MYT1L: variants seen among roughly 807,000 people sequenced by gnomAD.
MYT1L encodes myelin transcription factor 1 like.
A neutral mutation model predicts 126.7 loss-of-function variants in MYT1L; 12 were observed. That is an observed-to-expected ratio of 0.09 (90% confidence interval 0.06 to 0.15). The LOEUF (loss-of-function observed/expected upper bound fraction) is 0.15. MYT1L is among the 10% of genes least tolerant of loss of function. MYT1L has a pLI of 1.00. For missense variants in MYT1L, 979 were observed against 1,585.2 expected (o/e 0.62, Z 6.49); for synonymous variants, 541 against 604.2 (o/e 0.90, Z 1.53).
chr2:1,987,727 G>A (rs74588821), intron 5 of MYT1L, among the ~76,000 whole-genome samples: 4,311 of 152,238 alleles, frequency 0.028, 225 homozygotes, highest in African/African-American at 0.096. Flanking sequence ...AAGAGCAGAC[G>A]TTGAAGTCCC....
chr2:2,220,804 G>A (rs766375612), intron 2 of MYT1L, among the ~76,000 whole-genome samples: 2 of 152,080 alleles, frequency 1.3e-5, no homozygotes, highest in Admixed American at 1.3e-4. Context: ...TTTATGGTTT[G>A]TAGGACATGA....
chr2:1,804,104 C>T (rs2147936559), intron 22 of MYT1L, among the ~76,000 whole-genome samples: 1 of 152,208 alleles, frequency 6.6e-6, no homozygotes, highest in East Asian at 1.9e-4. Context: ...TAGGCTGGAA[C>T]TAGGGTTTTT....
chr2:2,245,096 C>A (rs1455000208), intron 2 of MYT1L, among the ~76,000 whole-genome samples: 1 of 152,176 alleles, frequency 6.6e-6, no homozygotes, highest in Admixed American at 6.5e-5. Flanking sequence ...TTGAGAACAG[C>A]TCCCCAGTGT....
intron 21 of MYT1L, among the ~76,000 whole-genome samples, chr2:1,812,787 A>G (rs1457832527): frequency 6.6e-6 from 1 of 151,074 alleles, no homozygotes; most frequent in Non-Finnish European, 1.5e-5. Context: ...GAGGCAGGAG[A>G]ATCTCTTGAA....
intron 21 of MYT1L, among the ~76,000 whole-genome samples, chr2:1,831,201 C>T (rs113304190): frequency 4.2e-4 from 63 of 150,212 alleles, no homozygotes; most frequent in African/African-American, 7.1e-4. Context: ...AGCTCTGCTC[C>T]GAGGACCCCT....
At chr2:2,297,936 C>T (rs555636374) in intron 1 of MYT1L, among the ~76,000 whole-genome samples, 3 of 152,218 alleles carry the variant, frequency 2.0e-5, no homozygotes, top group African/African-American at 2.4e-5. Context: ...TCTGCGTCCA[C>T]GCCACTTAAA....
intron 9 of MYT1L, among the ~76,000 whole-genome samples, chr2:1,936,790 A>G (rs140622266): frequency 6.6e-6 from 1 of 152,260 alleles, no homozygotes; most frequent in African/African-American, 2.4e-5. Flanking sequence ...TGGGGAGTTC[A>G]GAGGCCACAC....
At chr2:2,173,331 C>T (rs111905070) in intron 2 of MYT1L, among the ~76,000 whole-genome samples, 15 of 152,234 alleles carry the variant, frequency 9.9e-5, no homozygotes, top group African/African-American at 2.9e-4. Flanking sequence ...GCTTCTTTAA[C>T]GCTTTGATGT....
chr2:2,293,905 C>T (rs1316734235), intron 1 of MYT1L, among the ~76,000 whole-genome samples: 2 of 152,172 alleles, frequency 1.3e-5, no homozygotes, highest in Non-Finnish European at 2.9e-5. Context: ...CCGTGCTTGG[C>T]GCGCCTCTGA....
intron 21 of MYT1L, chr2:1,816,972 G>T (rs2037759793): frequency 6.6e-6 from 1 of 152,252 alleles, no homozygotes; most frequent in African/African-American, 2.4e-5. Flanking sequence ...CAGAGGGGCT[G>T]CACACGGCCA....
Position 2,295,659 on chromosome 2 carries a change from CAGACAG to C in MYT1L, c.-520-11162_-520-11157del, listed in dbSNP as rs2095670257. Among the ~76,000 whole-genome samples, 4 of 89,452 alleles carry C rather than the reference CAGACAG, an allele frequency of 4.5e-5. No homozygotes were observed. The Admixed American group carries it at 4.8e-4, about 11-fold the overall frequency. The allele number at this position is 89,452 out of a possible 152,430, so 58.7% of individuals were successfully genotyped here. On this transcript the variant is annotated intron_variant, in intron 1 of 24. Coordinates refer to ENST00000647738, the MANE Select transcript of MYT1L (RefSeq NM_001303052.2). The stretch of plus-strand genomic sequence containing the variant: ...ACAGAGAGAGAGATAGAGAGACAGA[CAGACAG>C]AGAGAGAGAGAGAGACAGACAGAGA...
chr2:2,225,553 T>C (rs1299057232), intron 2 of MYT1L, among the ~76,000 whole-genome samples: 1 of 152,120 alleles, frequency 6.6e-6, no homozygotes, highest in Non-Finnish European at 1.5e-5. Context: ...ACCTTTACTT[T>C]CCTCAGTTCA....
Position 2,228,465 on chromosome 2 carries a change from T to C in MYT1L, c.-420-55477A>G, listed in dbSNP as rs1035351. On this transcript the variant is annotated intron_variant, in intron 2 of 24. Transcript: ENST00000647738. The surrounding 1 kb of genome is among the most constrained non-coding windows in gnomAD (Gnocchi z 5.9). ...TTAATACTGTTATCTAATTAAATAG[T>C]TAAGATTTTTGCTGAAATCAGCAAG... is the stretch of plus-strand genomic sequence containing the variant. Among the ~76,000 whole-genome samples, 62,280 of 152,054 alleles carry C rather than the reference T, an allele frequency of 0.41. 13,435 individuals are homozygous for C. Among genetic ancestry groups the C allele is most frequent in the East Asian group, 0.58 (2,986 of 5,172 alleles).
chr2:2,289,051 G>A (rs2149448869), intron 1 of MYT1L, among the ~76,000 whole-genome samples: 1 of 152,324 alleles, frequency 6.6e-6, no homozygotes, highest in Non-Finnish European at 1.5e-5. Flanking sequence ...TGATGTCAGA[G>A]GTAGGTCAAG....
At position 2,115,739 on chromosome 2, in the gene MYT1L, G is replaced by A. The variant is rs923717799; in HGVS notation, c.-304+57133C>T. ...GGCGCTGCCAAGGCAAGGCCCCCGC[G>A]GGAGTGTCGGGGTGGGGACAGCGGG... On this transcript the variant is annotated intron_variant, in intron 3 of 24. Transcript: ENST00000647738. 7.9e-5 allele frequency among the ~76,000 whole-genome samples: 12 copies of A among 152,356 alleles called. No homozygotes were observed. The East Asian group carries it at 1.5e-3, about 20-fold the overall frequency.
intron 3 of MYT1L, among the ~76,000 whole-genome samples, chr2:2,113,560 C>G (rs2079781282): frequency 6.6e-6 from 1 of 152,194 alleles, no homozygotes. Flanking sequence ...CCTGGTCCAT[C>G]TCACTCTCCT....
chr2:1,977,185 C>T (rs1288213899), intron 8 of MYT1L, among the ~76,000 whole-genome samples: 1 of 152,306 alleles, frequency 6.6e-6, no homozygotes, highest in East Asian at 1.9e-4. Flanking sequence ...CATGACTCCT[C>T]CCTAACATCC....
chr2:2,237,916 AC>A (rs1190428642), intron 2 of MYT1L, among the ~76,000 whole-genome samples: 1 of 152,184 alleles, frequency 6.6e-6, no homozygotes, highest in Non-Finnish European at 1.5e-5. Context: ...ACACCTTGGT[AC>A]TTGCATAAGG....
chr2:2,048,227 C>T (rs2068419489), intron 4 of MYT1L, among the ~76,000 whole-genome samples: 1 of 152,202 alleles, frequency 6.6e-6, no homozygotes, highest in Non-Finnish European at 1.5e-5. Context: ...CCAATCCCTT[C>T]TGCCCTGACC....
Sources: gnomAD v4.1 joint callset for allele counts (sites outside exome capture counted in the v4.1 genomes callset) on GRCh38, gnomAD v4.1.1 for gene constraint, Gnocchi (gnomAD v3.1) non-coding constraint, MANE v1.5 for transcripts, NCBI Gene and HGNC (gene_info 2026-07-23, HGNC 2026-07-21) for gene names.